Variants in ITGAE observed in about 807,000 individuals in gnomAD.
ITGAE encodes integrin alpha-E.
In ITGAE, 99 loss-of-function variants were observed where a neutral mutation model predicts 136.5. That is an observed-to-expected ratio of 0.73 (90% CI 0.62 to 0.86). ITGAE has a LOEUF of 0.86. ITGAE is among the 40% of genes least tolerant of loss of function. The pLI, the probability that ITGAE is intolerant of heterozygous loss-of-function variation, is 0.00. For missense variants in ITGAE, 1,447 were observed against 1,515.3 expected (o/e 0.95, Z 0.75); for synonymous variants, 613 against 591.8 (o/e 1.04, Z -0.52).
rs2051753049 is a variant in ITGAE, at chr17:3,747,797, A to C, written c.2155+125T>G. ...AGCTAAGCTCTAATCGAGGGATTTC[A>C]AGCACCAGGACCTCAGACCAACACC... On this transcript the variant is annotated intron_variant, in intron 17 of 30. Coordinates refer to ENST00000263087, the MANE Select transcript of ITGAE (RefSeq NM_002208.5). 5.1e-5 allele frequency: 35 copies of C among 682,400 alleles called. 1 individual carries two copies. The South Asian group carries it at 6.0e-4, about 12-fold the overall frequency. 42.3% of individuals were successfully genotyped at this position (682,400 alleles called of 1,614,324 possible).
rs1188954067 is a variant in ITGAE at position 3,735,972 on chromosome 17, C to T, written c.2523-1023G>A. Among the ~76,000 whole-genome samples, 4 of 152,082 alleles carry T rather than the reference C, an allele frequency of 2.6e-5. No homozygotes were observed. In the East Asian group the frequency reaches 5.8e-4, roughly 22 times the overall value. ...CAGCCTGGCCAAGATGGTGAAACCC[C>T]GTCTCTACTAAAAATACAAAAAGTA... is the stretch of plus-strand genomic sequence containing the variant. On this transcript the variant is annotated intron_variant, in intron 20 of 30. Transcript: ENST00000263087.
chr17:3,775,150 T>C (rs11651719), intron 2 of ITGAE, among the ~76,000 whole-genome samples: 13,429 of 152,108 alleles, frequency 0.088, 940 homozygotes, highest in African/African-American at 0.18. Context: ...AGGGTCTCAC[T>C]GTGTTACCCA....
chr17:3,753,668 G>A (rs894441179), intron 13 of ITGAE, 115 bp downstream of exon 13: 4 of 1,369,788 alleles, frequency 2.9e-6, no homozygotes, highest in Non-Finnish European at 4.0e-6. Flanking sequence ...AGGAGCCTGA[G>A]TTTCACCCAG....
chr17:3,779,210 T>C (rs1458097387), intron 1 of ITGAE, among the ~76,000 whole-genome samples: 7 of 152,234 alleles, frequency 4.6e-5, no homozygotes, highest in African/African-American at 1.7e-4. Flanking sequence ...ACTTAGAATT[T>C]GTGCATGTCA....
chr17:3,795,826 CCTGTGTGTGCATGTGTGCATCT>C (rs372096145), intron 1 of ITGAE, among the ~76,000 whole-genome samples: 2,154 of 139,494 alleles, frequency 0.015, 60 homozygotes, highest in African/African-American at 0.055. Flanking sequence ...CGTGTGCATC[CCTGTGTGTGCATGTGTGCATCT>C]GTGTGTGTGC....
chr17:3,715,014 G>T, intron 30 of ITGAE, 72 bp from the exon 31 acceptor site: 1 of 852,508 alleles, frequency 1.2e-6, no homozygotes, highest in Non-Finnish European at 1.9e-6. Flanking sequence ...CGGCATTCTG[G>T]CTGTTGCCTA....
At chr17:3,726,172 A>G in intron 26 of ITGAE, 1 of 1,614,212 alleles carries the variant, frequency 6.2e-7, no homozygotes, top group Non-Finnish European at 8.5e-7. Flanking sequence ...CTCTGGTTAC[A>G]TTACCTGACA....
intron 2 of ITGAE, 56 bp from the exon 3 acceptor site, chr17:3,764,016 C>G (rs1041061468): frequency 1.6e-6 from 2 of 1,280,236 alleles, no homozygotes; most frequent in African/African-American, 2.9e-5. Flanking sequence ...CGTCTTCTCC[C>G]TGCCTGCCCA....
At position 3,723,313 on chromosome 17, in the gene ITGAE, T is replaced by A. The variant is rs764411856; in HGVS notation, c.3212A>T (p.Glu1071Val). 6.2e-7 allele frequency: 1 copy of A among 1,613,122 alleles called. No homozygotes were observed. The highest frequency in any genetic ancestry group is 8.5e-7 in the Non-Finnish European group (1 of 1,179,044). ...SDKENVTVAA[E>V]ISWDHSEELL... ...CTCCTCAGAGTGATCCCAGGAGATC[T>A]CTGCAGCCACGGTGACATTTTCTTT... is the stretch of plus-strand genomic sequence containing the variant. Residue 1071 changes from glutamate to valine, a missense_variant, in exon 28 of 31, where the codon GAG (glutamate) becomes GTG (valine). Glu to Val is a moderately radical substitution (Grantham distance 121). Around this residue, in one of 3 missense-constraint regions of ITGAE, gnomAD observed 1,031 missense variants for 1,011.4 expected, o/e 1.02. Transcript: ENST00000263087.
At chr17:3,756,857 C>T in intron 10 of ITGAE, 127 bp downstream of exon 10, 1 of 1,033,350 alleles carries the variant, frequency 9.7e-7, no homozygotes. Context: ...CCTTTTTAGA[C>T]ATGGAAGAGC....
chr17:3,741,339 G>A (rs1301330839), intron 19 of ITGAE, among the ~76,000 whole-genome samples: 5 of 150,982 alleles, frequency 3.3e-5, no homozygotes, highest in East Asian at 1.9e-4. Context: ...CGCCAGCCTC[G>A]GCCTCCCAAA....
chr17:3,723,189 G>T (rs1408644945), intron 28 of ITGAE, 99 bp downstream of exon 28: 1 of 855,200 alleles, frequency 1.2e-6, no homozygotes, highest in Non-Finnish European at 2.0e-6. Flanking sequence ...GATCTATTTT[G>T]GACATGGACA....
chr17:3,724,370 C>T (rs1022981558), intron 26 of ITGAE: 1 of 1,606,186 alleles, frequency 6.2e-7, no homozygotes, highest in Non-Finnish European at 8.5e-7. Context: ...ACTCCGGCCG[C>T]CTCAGCCCGG....
intron 2 of ITGAE, among the ~76,000 whole-genome samples, chr17:3,767,769 C>A (rs1038005839): frequency 6.6e-5 from 10 of 152,008 alleles, no homozygotes; most frequent in Admixed American, 2.0e-4. Flanking sequence ...CCTACAGGAG[C>A]GAGTTACCTT....
At chr17:3,779,609 G>A (rs1193030719) in intron 1 of ITGAE, among the ~76,000 whole-genome samples, 1 of 152,120 alleles carries the variant, frequency 6.6e-6, no homozygotes, top group Non-Finnish European at 1.5e-5. Context: ...GATTACAGGT[G>A]TGAGCCACCA....
chr17:3,724,926 C>T (rs2051171530), intron 26 of ITGAE: 3 of 1,613,572 alleles, frequency 1.9e-6, no homozygotes, highest in African/African-American at 2.7e-5. Context: ...AATAGACAGG[C>T]TGGAGAGAAC....
rs141833436 is a variant in ITGAE at position 3,747,966 on chromosome 17, C to A, written c.2111G>T (p.Arg704Leu). ...PIGFNGVVNVRLCFEISSVTT... is the reference protein window; with the variant it reads ...PIGFNGVVNVLLCFEISSVTT... ...TACAGAGCTGATTTCAAAACATAAA[C>A]GGACATTCACGACGCCGTTGAAGCC... Residue 704 changes from arginine to leucine, a missense_variant, in exon 17 of 31, where the codon CGT becomes CTT. Transcript: ENST00000263087. 4.3e-6 allele frequency: 7 copies of A among 1,611,898 alleles called. No homozygotes were observed. Among genetic ancestry groups the A allele is most frequent in the Non-Finnish European group, 5.9e-6 (7 of 1,178,738 alleles).
chr17:3,729,396 C>G, intron 24 of ITGAE, 82 bp downstream of exon 24: 1 of 860,574 alleles, frequency 1.2e-6, no homozygotes, highest in Middle Eastern at 2.3e-4. Flanking sequence ...TCCTGACCAC[C>G]AGCTCCATCT....
chr17:3,776,656 C>G (rs549510653), intron 2 of ITGAE, among the ~76,000 whole-genome samples: 2 of 152,074 alleles, frequency 1.3e-5, no homozygotes, highest in African/African-American at 2.4e-5. Flanking sequence ...CCTCCGGGCC[C>G]AAGTGGTCCT....
Sources: allele counts gnomAD v4.1 joint callset (sites outside exome capture counted in the v4.1 genomes callset), GRCh38; gene constraint gnomAD v4.1.1; regional missense constraint gnomAD v4.1.1; transcripts MANE v1.5; gene names NCBI Gene and HGNC (gene_info 2026-07-23, HGNC 2026-07-21).